The following ARHGEF26 variants were observed in gnomAD, a reference collection of about 807,000 sequenced individuals.
ARHGEF26 encodes the protein Rho guanine nucleotide exchange factor 26, also known as Rho guanine nucleotide exchange factor (GEF) 26.
A neutral mutation model predicts 89.4 loss-of-function variants in ARHGEF26; 59 were observed. The ratio of observed to expected loss-of-function variants is 0.66; its 90% CI spans 0.54 to 0.82. The LOEUF (loss-of-function observed/expected upper bound fraction) is 0.82, where lower values mean the gene tolerates loss of function less well. ARHGEF26 is among the 40% of genes least tolerant of loss of function. The pLI is 0.00. For missense variants in ARHGEF26, 1,234 were observed against 1,085.6 expected, an observed-to-expected ratio of 1.14 and a Z score of -1.92; for synonymous variants, 500 against 428.4, an observed-to-expected ratio of 1.17 and a Z score of -2.06.
chr3:154,202,402 C>T (rs1714703092), intron 9 of ARHGEF26, among the ~76,000 whole-genome samples: 1 of 151,162 alleles, frequency 6.6e-6, no homozygotes, highest in Admixed American at 6.6e-5. Flanking sequence ...GTTTTGGTTA[C>T]AGCCTTGTAG....
chr3:154,194,608 G>C, intron 8 of ARHGEF26, 36 bp from the exon 9 acceptor site: 2 of 1,452,836 alleles, frequency 1.4e-6, no homozygotes, highest in Non-Finnish European at 1.9e-6. Flanking sequence ...TAATAAAATA[G>C]ATCAATAAAT....
intron 11 of ARHGEF26, among the ~76,000 whole-genome samples, chr3:154,232,999 T>G (rs945630309): frequency 1.3e-4 from 19 of 151,998 alleles, no homozygotes; most frequent in Admixed American, 1.0e-3. Context: ...GGCTAATTTT[T>G]TTTTTCTATT....
intron 8 of ARHGEF26, among the ~76,000 whole-genome samples, chr3:154,192,937 T>C (rs1351842999): frequency 6.6e-6 from 1 of 152,216 alleles, no homozygotes; most frequent in Non-Finnish European, 1.5e-5. Context: ...CCTCTTTAAA[T>C]TTGAGAAAAT....
intron 10 of ARHGEF26, among the ~76,000 whole-genome samples, chr3:154,219,110 TAAAA>T (rs1420154145): frequency 6.6e-6 from 1 of 152,218 alleles, no homozygotes. Flanking sequence ...TTATAGCAAT[TAAAA>T]AACCCATCTT....
At chr3:154,216,485 T>TTA (rs1715736121) in intron 9 of ARHGEF26, among the ~76,000 whole-genome samples, 2 of 26,832 alleles carry the variant, frequency 7.5e-5, no homozygotes, top group Admixed American at 5.6e-4. Flanking sequence ...CTTGTTTTTT[T>TTA]TTTTTTATTT....
intron 12 of ARHGEF26, among the ~76,000 whole-genome samples, chr3:154,252,673 G>A (rs1718231119): frequency 6.6e-6 from 1 of 152,176 alleles, no homozygotes; most frequent in African/African-American, 2.4e-5. Flanking sequence ...AATATGTCAA[G>A]TTTCTCAAGT....
chr3:154,149,442 A>G lies in ARHGEF26; in HGVS notation c.1323A>G (p.Gln441=), dbSNP rs546049723. The change falls in exon 5 of 15, where the codon CAA becomes CAG. Residue 441 remains glutamine, a synonymous_variant. Transcript: ENST00000465093. ...TAAGCCAGGAGGAAAGAAAGAGACA[A>G]GAGGTATGTTTCTACCGAGCAGCTG... ...QTVSQEERKR[Q]EAIFEVISSE... 6.2e-7 allele frequency: 1 copy of G among 1,607,438 alleles called. No individual in the cohort carries two copies. Among genetic ancestry groups the G allele is most frequent in the African/African-American group, 1.3e-5 (1 of 74,996 alleles).
intron 3 of ARHGEF26, among the ~76,000 whole-genome samples, chr3:154,126,814 A>G (rs1469360687): frequency 6.6e-6 from 1 of 152,216 alleles, no homozygotes; most frequent in African/African-American, 2.4e-5. Flanking sequence ...TGATGAGGAT[A>G]CATTCTGAGA....
intron 9 of ARHGEF26, among the ~76,000 whole-genome samples, chr3:154,216,483 T>TTTC (rs1715734302): frequency 3.6e-5 from 1 of 28,054 alleles, no homozygotes; most frequent in South Asian, 5.7e-3. Flanking sequence ...CACTTGTTTT[T>TTTC]TTTTTTTTAT....
intron 6 of ARHGEF26, among the ~76,000 whole-genome samples, chr3:154,176,635 A>AG (rs1311535587): frequency 3.3e-5 from 5 of 152,286 alleles, no homozygotes; most frequent in African/African-American, 4.8e-5. Flanking sequence ...GGAAGAACCA[A>AG]GATGAGGCGT....
chr3:154,237,928 A>G (rs760488402), intron 11 of ARHGEF26, among the ~76,000 whole-genome samples: 1 of 152,228 alleles, frequency 6.6e-6, no homozygotes, highest in Non-Finnish European at 1.5e-5. Flanking sequence ...AGGGGCAGAG[A>G]GAAAATAGTA....
intron 10 of ARHGEF26, among the ~76,000 whole-genome samples, chr3:154,223,975 GA>G (rs36125481): frequency 0.67 from 100,782 of 149,934 alleles, 33,859 homozygotes; most frequent in East Asian, 0.87. Context: ...CCAGGTAATA[GA>G]AAAAAAAAAA....
chr3:154,211,751 T>G (rs1305011419), intron 9 of ARHGEF26, among the ~76,000 whole-genome samples: 3 of 152,204 alleles, frequency 2.0e-5, no homozygotes, highest in African/African-American at 7.2e-5. Context: ...GGCCAATATA[T>G]ATATTTTAAC....
intron 6 of ARHGEF26, among the ~76,000 whole-genome samples, chr3:154,157,754 G>A (rs1388568363): frequency 1.3e-5 from 2 of 152,004 alleles, no homozygotes; most frequent in Non-Finnish European, 2.9e-5. Context: ...TATTAACCAG[G>A]ATATAAGAGA....
intron 3 of ARHGEF26, among the ~76,000 whole-genome samples, chr3:154,128,457 T>C (rs1718468044): frequency 6.6e-6 from 1 of 152,160 alleles, no homozygotes; most frequent in South Asian, 2.1e-4. Flanking sequence ...CAGGCTGGTC[T>C]CGAACTCCTG....
intron 3 of ARHGEF26, among the ~76,000 whole-genome samples, chr3:154,126,423 G>A (rs1718334150): frequency 6.6e-6 from 1 of 152,032 alleles, no homozygotes; most frequent in African/African-American, 2.4e-5. Flanking sequence ...CCCTCTCTCT[G>A]CCCCCATATC....
Position 154,122,951 on chromosome 3 carries a change from C to A in ARHGEF26, c.959C>A (p.Ala320Glu), listed in dbSNP as rs1239836407. Residue 320 changes from alanine to glutamate, a missense_variant, in exon 2 of 15, where the codon GCA becomes GAA. Coordinates refer to ENST00000465093, the MANE Select transcript of ARHGEF26 (RefSeq NM_015595.4). Reference sequence around the variant, plus strand: ...TTGCGGTCCACGTCTTATCGCAGGGCAGTGGTCAGTGGCTTTGATTTTGAC... The same window carrying A: ...TTGCGGTCCACGTCTTATCGCAGGGAAGTGGTCAGTGGCTTTGATTTTGAC... ...RGLRSTSYRRAVVSGFDFDSP... is the reference protein window; with the variant it reads ...RGLRSTSYRREVVSGFDFDSP... The A allele has an allele frequency of 1.9e-6, 3 of 1,613,652 alleles. No homozygotes were observed. The highest frequency in any genetic ancestry group is 2.5e-6 in the Non-Finnish European group (3 of 1,179,790).
chr3:154,253,499 CTA>C (rs1718292218), intron 13 of ARHGEF26, among the ~76,000 whole-genome samples: 1 of 152,152 alleles, frequency 6.6e-6, no homozygotes, highest in Non-Finnish European at 1.5e-5. Flanking sequence ...GTTAAATAAT[CTA>C]TGTTAAAAGC....
chr3:154,161,960 C>T (rs971322275), intron 6 of ARHGEF26, among the ~76,000 whole-genome samples: 6 of 152,122 alleles, frequency 3.9e-5, no homozygotes, highest in Middle Eastern at 3.2e-3. Flanking sequence ...TTTTGCATTG[C>T]CTTTACAAAT....
Sources: gnomAD v4.1 joint callset for allele counts (sites outside exome capture counted in the v4.1 genomes callset) on GRCh38, gnomAD v4.1.1 for gene constraint, MANE v1.5 for transcripts, NCBI Gene and HGNC (gene_info 2026-07-23, HGNC 2026-07-21) for gene names.